TMEM63A: variants seen among roughly 807,000 people sequenced by gnomAD.
The protein encoded by TMEM63A is transmembrane protein 63A, also known as mechanosensitive cation channel TMEM63A.
TMEM63A carries 76 observed loss-of-function variants against 100.6 expected under a neutral mutation model. That is an observed-to-expected ratio of 0.76 (90% CI 0.63 to 0.91). The LOEUF is 0.91. TMEM63A is among the 40% of genes least tolerant of loss of function. The pLI, the probability that TMEM63A is intolerant of heterozygous loss-of-function variation, is 0.00. For synonymous variants in TMEM63A, 401 were observed against 401.1 expected (o/e 1.00, Z 0.00); for missense variants, 876 against 1,008.8 (o/e 0.87, Z 1.78).
rs1668981886 is a variant in TMEM63A at position 225,846,264 on chromosome 1, A to G, written c.*675T>C. On this transcript the variant is annotated 3_prime_UTR_variant, in exon 25 of 25. Transcript: ENST00000366835. ...CCTGCCTGGAGGTGCAGACTCATGC[A>G]CTCAGCCCTGAAGAGGTGAGAGAGG... The G allele has an allele frequency of 6.6e-6, 1 of 152,620 alleles. No individual in the cohort carries two copies. Among genetic ancestry groups the G allele is most frequent in the African/African-American group, 2.4e-5 (1 of 41,456 alleles). 9.5% of individuals were successfully genotyped at this position (152,620 alleles called of 1,614,324 possible). A position where few individuals can be genotyped will look rare whatever the true frequency, so the allele number is the denominator to read the frequency against.
At chr1:225,875,308 A>G (rs900967142) in intron 3 of TMEM63A, among the ~76,000 whole-genome samples, 3 of 151,792 alleles carry the variant, frequency 2.0e-5, no homozygotes, top group Non-Finnish European at 4.4e-5. Context: ...ACATCTGTAC[A>G]CTCTAGACTG....
rs1179948815 is a variant in TMEM63A at position 225,853,521 on chromosome 1, G to A, written c.1797+108C>T. 8.5e-7 allele frequency: 1 copy of A among 1,176,814 alleles called. No homozygotes were observed. Among genetic ancestry groups the A allele is most frequent in the Admixed American group, 3.2e-5 (1 of 31,016 alleles). The allele number at this position is 1,176,814 out of a possible 1,614,324, so 72.9% of individuals were successfully genotyped here. A position where few individuals can be genotyped will look rare whatever the true frequency, so the allele number is the denominator to read the frequency against. The stretch of plus-strand genomic sequence containing the variant: ...AGTGCCTGCACTAGTGGGTAGTCAG[G>A]TAAATGCTACCCACTAGTGGGGGTA... On this transcript the variant is annotated intron_variant, in intron 19 of 24. Coordinates refer to ENST00000366835, the MANE Select transcript of TMEM63A (RefSeq NM_014698.3). The surrounding 1 kb of genome is among the most constrained non-coding windows in gnomAD (Gnocchi z 4.0).
Position 225,865,130 on chromosome 1 carries a change from A to G in TMEM63A, c.746+767T>C, listed in dbSNP as rs360083. ...GCAAGACCCTGTCTCTAAAAAAATA[A>G]GATTACAAAAAAAGGAATGAAGAAA... On this transcript the variant is annotated intron_variant, in intron 10 of 24. Transcript: ENST00000366835. This position sits in a 1 kb window ranked among gnomAD's most constrained non-coding sequence, Gnocchi z 4.6. 81,803 of 151,990 alleles carry G rather than the reference A, an allele frequency of 0.54. 23,504 individuals carry two copies. The highest frequency in any genetic ancestry group is 0.64 in the Middle Eastern group (189 of 294). The allele number at this position is 151,990 out of a possible 1,614,324, so 9.4% of individuals were successfully genotyped here.
At chr1:225,875,788 G>A (rs546521432) in intron 3 of TMEM63A, among the ~76,000 whole-genome samples, 1 of 151,832 alleles carries the variant, frequency 6.6e-6, no homozygotes, top group South Asian at 2.1e-4. Flanking sequence ...CCCTGGCCGG[G>A]CACCATGGCT....
At chr1:225,872,696 T>C (rs1050894217) in intron 4 of TMEM63A, among the ~76,000 whole-genome samples, 9 of 143,430 alleles carry the variant, frequency 6.3e-5, no homozygotes, top group South Asian at 4.7e-4. Flanking sequence ...CTTCTTTTTT[T>C]TTTTTTTTTT....
downstream of TMEM63A, among the ~76,000 whole-genome samples, chr1:225,843,506 A>G (rs1668614262): frequency 6.6e-6 from 1 of 152,156 alleles, no homozygotes; most frequent in African/African-American, 2.4e-5. Context: ...TCAGCAGGAC[A>G]CAGGGGTTGA....
intron 17 of TMEM63A, 102 bp from the exon 18 acceptor site, chr1:225,856,042 A>C (rs965181788): frequency 8.0e-7 from 1 of 1,250,410 alleles, no homozygotes; most frequent in African/African-American, 1.5e-5. Flanking sequence ...CCAAAGCTCG[A>C]GATTGACTTT....
At chr1:225,872,522 T>C (rs1670558546) in intron 4 of TMEM63A, among the ~76,000 whole-genome samples, 1 of 152,132 alleles carries the variant, frequency 6.6e-6, no homozygotes, top group Non-Finnish European at 1.5e-5. Flanking sequence ...TGCCTTCCAA[T>C]TTCAGAGATG....
At chr1:225,844,656 T>G (rs757869365), downstream of TMEM63A, 5 of 1,612,792 alleles carry the variant, frequency 3.1e-6, no homozygotes, top group African/African-American at 2.7e-5. Flanking sequence ...CAGGGGCCTC[T>G]GAGGCTGGAG....
At chr1:225,842,565 T>C (rs1353494282), downstream of TMEM63A, 10 of 932,230 alleles carry the variant, frequency 1.1e-5, no homozygotes, top group Admixed American at 1.7e-4. Flanking sequence ...TTGCTCTGCA[T>C]GGGGCACTCA....
chr1:225,875,730 T>C (rs557675251), intron 3 of TMEM63A, among the ~76,000 whole-genome samples: 1 of 152,074 alleles, frequency 6.6e-6, no homozygotes, highest in East Asian at 1.9e-4. Flanking sequence ...CTGGCTCTTA[T>C]GTGTCCCCCC....
At position 225,853,806 on chromosome 1, in the gene TMEM63A, G is replaced by A. The variant is rs764119616; in HGVS notation, c.1635-15C>T. Reference sequence around the variant, plus strand: ...GGAAGACGCACCTGGGGAAACCAGGGCCCAGGTCTGTGAGCTGAGAGCCGC... The same window carrying A: ...GGAAGACGCACCTGGGGAAACCAGGACCCAGGTCTGTGAGCTGAGAGCCGC... On this transcript the variant is annotated splice_polypyrimidine_tract_variant and intron_variant, in intron 18 of 24. Coordinates refer to ENST00000366835, the MANE Select transcript of TMEM63A (RefSeq NM_014698.3). This position sits in a 1 kb window ranked among gnomAD's most constrained non-coding sequence, Gnocchi z 4.0. 1.3e-6 allele frequency: 2 copies of A among 1,579,962 alleles called. No individual in the cohort carries two copies. The highest frequency in any genetic ancestry group is 1.7e-6 in the Non-Finnish European group (2 of 1,163,204).
chr1:225,865,922 T>C lies in TMEM63A; in HGVS notation c.721A>G (p.Lys241Glu). ...CGGAAGTGGCTCTCCACAGTCTCCT[T>C]CCTGGCATCTCTGGGGAGTCCTGTG... ...FITGLPRDARKETVESHFRDA... is the reference protein window; with the variant it reads ...FITGLPRDAREETVESHFRDA... The change falls in exon 10 of 25, where the codon AAG (lysine) becomes GAG (glutamate). Residue 241 changes from lysine (K) to glutamate (E), a missense_variant. By Grantham distance (56) the Lys-to-Glu change is moderately conservative (BLOSUM62 1). Coordinates refer to ENST00000366835, the MANE Select transcript of TMEM63A (RefSeq NM_014698.3). This position sits in a 1 kb window ranked among gnomAD's most constrained non-coding sequence, Gnocchi z 4.6. 6.2e-7 allele frequency: 1 copy of C among 1,613,956 alleles called. No individual in the cohort carries two copies. The highest frequency in any genetic ancestry group is 1.3e-5 in the African/African-American group (1 of 75,012).
rs1291029660 is a variant in TMEM63A at position 225,873,331 on chromosome 1, G to C, written c.266+957C>G. Among the ~76,000 whole-genome samples the C allele has an allele frequency of 3.9e-5, 6 of 152,188 alleles. No individual in the cohort carries two copies. In the East Asian group the frequency reaches 9.6e-4, roughly 24 times the overall value. ...CAGTCCAAGGTCATCATCACCTCAG[G>C]CTTTAGCAAATCCCAGAGCAGGGAT... On this transcript the variant is annotated intron_variant, in intron 4 of 24. Coordinates refer to ENST00000366835, the MANE Select transcript of TMEM63A (RefSeq NM_014698.3).
At chr1:225,848,282 AAG>A in intron 23 of TMEM63A, 1 of 584,910 alleles carries the variant, frequency 1.7e-6, no homozygotes, top group African/African-American at 1.9e-5. Context: ...GAATCGAGAC[AAG>A]ACTCTATCTC....
At chr1:225,859,429 AG>A (rs1669822177) in intron 14 of TMEM63A, 80 bp from the exon 15 acceptor site, 1 of 1,557,566 alleles carries the variant, frequency 6.4e-7, no homozygotes, top group Non-Finnish European at 8.7e-7. Context: ...GGTCAGATTT[AG>A]GCAGACCAAG....
downstream of TMEM63A, chr1:225,842,298 C>G: frequency 8.2e-7 from 1 of 1,213,380 alleles, no homozygotes; most frequent in East Asian, 2.3e-5. Flanking sequence ...TGCCACACAT[C>G]ACACCTGAAG....
chr1:225,844,003 C>T (rs1228698293), downstream of TMEM63A, among the ~76,000 whole-genome samples: 1 of 151,894 alleles, frequency 6.6e-6, no homozygotes, highest in East Asian at 1.9e-4. Flanking sequence ...GGGGTGGGGG[C>T]TGTGGAGTAT....
Position 225,867,810 on chromosome 1 carries a change from T to C in TMEM63A, c.514+78A>G. ...TGGGGCATGACTCCTGGGGTTCTGGTCTACCACAGTGAGCCCTTTCCCTAG... is the reference window on the plus strand; with the variant it reads ...TGGGGCATGACTCCTGGGGTTCTGGCCTACCACAGTGAGCCCTTTCCCTAG... On this transcript the variant is annotated intron_variant, in intron 7 of 24. Transcript: ENST00000366835. This position sits in a 1 kb window ranked among gnomAD's most constrained non-coding sequence, Gnocchi z 4.6. 2 of 1,577,306 alleles carry C rather than the reference T, an allele frequency of 1.3e-6. No individual in the cohort carries two copies. Among genetic ancestry groups the C allele is most frequent in the South Asian group, 1.2e-5 (1 of 86,792 alleles).
Sources: gnomAD v4.1 joint callset for allele counts (sites outside exome capture counted in the v4.1 genomes callset) on GRCh38, gnomAD v4.1.1 for gene constraint, Gnocchi (gnomAD v3.1) non-coding constraint, MANE v1.5 for transcripts, NCBI Gene and HGNC (gene_info 2026-07-23, HGNC 2026-07-21) for gene names.